The following OLFM3 variants were observed in gnomAD, a reference collection of about 807,000 sequenced individuals.
The protein encoded by OLFM3 is noelin-3.
In OLFM3, 20 loss-of-function variants were observed where a neutral mutation model predicts 48.6. The ratio of observed to expected loss-of-function variants is 0.41; its 90% CI spans 0.29 to 0.60. OLFM3 has a LOEUF of 0.60. OLFM3 is among the 20% of genes least tolerant of loss of function. The probability of loss-of-function intolerance (pLI) is 0.28; values close to 1 mark genes in which losing one functional copy is unlikely to be tolerated. For missense variants in OLFM3, 437 were observed against 544.3 expected, an observed-to-expected ratio of 0.80 and a Z score of 1.96; for synonymous variants, 222 against 198.1, an observed-to-expected ratio of 1.12 and a Z score of -1.01.
chr1:101,834,235 T>A (rs183700848), intron 2 of OLFM3, among the ~76,000 whole-genome samples: 1 of 152,308 alleles, frequency 6.6e-6, no homozygotes, highest in Non-Finnish European at 1.5e-5. Flanking sequence ...AACTTACTGA[T>A]TGAGTGACAA....
intron 1 of OLFM3, among the ~76,000 whole-genome samples, chr1:101,933,360 T>C (rs982050464): frequency 2.3e-4 from 35 of 151,278 alleles, no homozygotes; most frequent in African/African-American, 8.0e-4. Flanking sequence ...GACGAAAGAA[T>C]CTCAGAGCTC....
chr1:101,979,190 C>T (rs1424516218), intron 1 of OLFM3, among the ~76,000 whole-genome samples: 1 of 152,072 alleles, frequency 6.6e-6, no homozygotes, highest in Admixed American at 6.5e-5. Context: ...GGAGTTTTGA[C>T]TAAATATTGT....
At chr1:101,964,668 A>G (rs1043901527) in intron 1 of OLFM3, among the ~76,000 whole-genome samples, 1 of 152,230 alleles carries the variant, frequency 6.6e-6, no homozygotes, top group Admixed American at 6.5e-5. Context: ...CCTCACAATC[A>G]TGAAGAAAGG....
At chr1:101,992,783 C>A (rs1661450561) in intron 1 of OLFM3, among the ~76,000 whole-genome samples, 1 of 151,990 alleles carries the variant, frequency 6.6e-6, no homozygotes, top group Non-Finnish European at 1.5e-5. Flanking sequence ...ATGAAACATT[C>A]AACAATATAA....
chr1:101,953,056 A>T (rs1347217968), intron 1 of OLFM3, among the ~76,000 whole-genome samples: 1 of 152,176 alleles, frequency 6.6e-6, no homozygotes, highest in African/African-American at 2.4e-5. Flanking sequence ...CTAGTTTCCA[A>T]GACTTATTAA....
At chr1:101,912,951 A>G (rs561354452) in intron 1 of OLFM3, among the ~76,000 whole-genome samples, 90 of 152,320 alleles carry the variant, frequency 5.9e-4, no homozygotes, top group African/African-American at 2.1e-3. Context: ...AGGAGCTACA[A>G]AGTCAAATTT....
intron 1 of OLFM3, among the ~76,000 whole-genome samples, chr1:101,994,008 C>A (rs947457431): frequency 1.3e-5 from 2 of 150,302 alleles, no homozygotes; most frequent in African/African-American, 4.9e-5. Flanking sequence ...ATATAGTCTT[C>A]CATGAAATAG....
intron 1 of OLFM3, among the ~76,000 whole-genome samples, chr1:101,873,723 T>A (rs573285334): frequency 1.1e-4 from 16 of 151,908 alleles, no homozygotes; most frequent in African/African-American, 2.6e-4. Context: ...CAAATTCTAT[T>A]CACACCATTT....
intron 1 of OLFM3, among the ~76,000 whole-genome samples, chr1:101,945,638 A>T (rs1336786): frequency 0.4 from 60,922 of 151,812 alleles, 12,509 homozygotes; most frequent in East Asian, 0.51. Context: ...CACTTATCTT[A>T]ATTTTTTTTG....
chr1:101,828,046 GTCTGTCTCTCTCTCTC>G (rs1437073053), intron 3 of OLFM3, among the ~76,000 whole-genome samples: 5 of 129,966 alleles, frequency 3.8e-5, no homozygotes, highest in South Asian at 2.4e-4. Context: ...CTGTCTGTCT[GTCTGTCTCTCTCTCTC>G]TCTGTCTCTC....
At chr1:101,987,969 C>T (rs138116242) in intron 1 of OLFM3, among the ~76,000 whole-genome samples, 2 of 152,098 alleles carry the variant, frequency 1.3e-5, no homozygotes, top group African/African-American at 4.8e-5. Flanking sequence ...CTCCACTATA[C>T]TTATATTTGT....
At chr1:101,995,509 T>C (rs1334310414) in intron 1 of OLFM3, among the ~76,000 whole-genome samples, 1 of 152,006 alleles carries the variant, frequency 6.6e-6, no homozygotes, top group Non-Finnish European at 1.5e-5. Flanking sequence ...AGCTTTAAAA[T>C]AAAATGAATT....
chr1:101,900,209 G>A (rs1400471812), intron 1 of OLFM3, among the ~76,000 whole-genome samples: 2 of 152,098 alleles, frequency 1.3e-5, no homozygotes, highest in Non-Finnish European at 2.9e-5. Flanking sequence ...GTTCATTTCT[G>A]TGGTTCAATC....
chr1:101,890,016 C>A (rs948849020), intron 1 of OLFM3, among the ~76,000 whole-genome samples: 5 of 151,936 alleles, frequency 3.3e-5, no homozygotes, highest in Admixed American at 1.3e-4. Flanking sequence ...CCACAGGGAA[C>A]TGATTAAGTA....
chr1:101,851,834 A>G (rs2100949313), intron 1 of OLFM3, among the ~76,000 whole-genome samples: 1 of 152,134 alleles, frequency 6.6e-6, no homozygotes, highest in East Asian at 1.9e-4. Context: ...TGTGCAATAA[A>G]TCAGTTGTTT....
At chr1:101,990,276 T>C (rs1312731561) in intron 1 of OLFM3, among the ~76,000 whole-genome samples, 2 of 152,146 alleles carry the variant, frequency 1.3e-5, no homozygotes, top group Non-Finnish European at 2.9e-5. Flanking sequence ...GCTGATAACT[T>C]TATACAATAT....
intron 1 of OLFM3, among the ~76,000 whole-genome samples, chr1:101,852,995 A>G (rs1656282232): frequency 1.3e-5 from 2 of 152,122 alleles, no homozygotes; most frequent in African/African-American, 4.8e-5. Flanking sequence ...TTGACTTTGT[A>G]TCACTTGTTA....
intron 1 of OLFM3, among the ~76,000 whole-genome samples, chr1:101,863,396 A>G (rs1214525180): frequency 6.6e-6 from 1 of 152,248 alleles, no homozygotes; most frequent in Non-Finnish European, 1.5e-5. Flanking sequence ...TTTCTGCTAC[A>G]TAACAGCCCT....
At chr1:101,919,027 A>G (rs1391503140) in intron 1 of OLFM3, among the ~76,000 whole-genome samples, 2 of 152,284 alleles carry the variant, frequency 1.3e-5, no homozygotes, top group East Asian at 1.9e-4. Flanking sequence ...TTACATTTGT[A>G]TTTTTAGTTC....
Sources: gnomAD v4.1 joint callset for allele counts (sites outside exome capture counted in the v4.1 genomes callset) on GRCh38, gnomAD v4.1.1 for gene constraint, MANE v1.5 for transcripts, NCBI Gene and HGNC (gene_info 2026-07-23, HGNC 2026-07-21) for gene names.